Variants in ADAMTS3 observed in about 807,000 individuals in gnomAD.
ADAMTS3 encodes the protein A disintegrin and metalloproteinase with thrombospondin motifs 3.
ADAMTS3 carries 73 observed loss-of-function variants against 129.0 expected under a neutral mutation model. That is an observed-to-expected ratio of 0.57 (90% CI 0.47 to 0.69). The LOEUF (loss-of-function observed/expected upper bound fraction) is 0.69, where lower values mean the gene tolerates loss of function less well. Among genes scored for constraint, ADAMTS3 ranks in the 30% least tolerant of loss-of-function variants. The pLI, the probability that ADAMTS3 is intolerant of heterozygous loss-of-function variation, is 0.00. For missense variants in ADAMTS3, 1,457 were observed against 1,514.5 expected (o/e 0.96, Z 0.63); for synonymous variants, 477 against 510.8 (o/e 0.93, Z 0.89).
At chr4:72,295,544 C>G (rs1204932235) in intron 19 of ADAMTS3, 110 bp downstream of exon 19, 4 of 1,148,598 alleles carry the variant, frequency 3.5e-6, no homozygotes, top group South Asian at 2.0e-5. Context: ...ACTATTTAAA[C>G]CATGTCTATA....
chr4:72,291,646 A>G (rs1244030612), intron 19 of ADAMTS3, among the ~76,000 whole-genome samples: 6 of 151,538 alleles, frequency 4.0e-5, no homozygotes, highest in Admixed American at 6.6e-5. Flanking sequence ...AATCCAGTCT[A>G]TCATTGTTGG....
At chr4:72,298,829 T>A (rs1395390676) in intron 17 of ADAMTS3, among the ~76,000 whole-genome samples, 1 of 151,668 alleles carries the variant, frequency 6.6e-6, no homozygotes, top group African/African-American at 2.4e-5. Context: ...TTAAAATTTT[T>A]AAATTTTTAA....
chr4:72,483,249 G>C (rs1476210106), intron 3 of ADAMTS3, among the ~76,000 whole-genome samples: 1 of 152,000 alleles, frequency 6.6e-6, no homozygotes, highest in Admixed American at 6.6e-5. Flanking sequence ...AAAATTATGA[G>C]AGCTACCAAA....
chr4:72,415,241 G>A (rs925466799), intron 3 of ADAMTS3, among the ~76,000 whole-genome samples: 1 of 151,802 alleles, frequency 6.6e-6, no homozygotes, highest in Non-Finnish European at 1.5e-5. Flanking sequence ...ATCATACAAT[G>A]TATATATTTT....
intron 3 of ADAMTS3, among the ~76,000 whole-genome samples, chr4:72,516,603 G>C (rs529685199): frequency 1.1e-4 from 17 of 152,190 alleles, no homozygotes; most frequent in Admixed American, 1.0e-3. Flanking sequence ...AAGGAATTTT[G>C]AATGGGAGTT....
rs567045962 is a variant in ADAMTS3 at position 72,380,167 on chromosome 4, G to A, written c.661+34648C>T. On this transcript the variant is annotated intron_variant, in intron 4 of 21. Coordinates refer to ENST00000286657, the MANE Select transcript of ADAMTS3 (RefSeq NM_014243.3). ...TAGTATGAATATTTGTAATATTCTTGAGAATATATTTAAGTGGATATCCTA... is the reference window on the plus strand; with the variant it reads ...TAGTATGAATATTTGTAATATTCTTAAGAATATATTTAAGTGGATATCCTA... Among the ~76,000 whole-genome samples the A allele has an allele frequency of 1.1e-4, 16 of 152,216 alleles. 1 individual carries two copies. In the South Asian group the frequency reaches 3.3e-3, roughly 32 times the overall value.
chr4:72,497,329 C>T (rs1719896966), intron 3 of ADAMTS3, among the ~76,000 whole-genome samples: 1 of 151,766 alleles, frequency 6.6e-6, no homozygotes, highest in Non-Finnish European at 1.5e-5. Context: ...TAAGCAAGGC[C>T]TCAGTATGCA....
chr4:72,424,827 T>C (rs1360506840), intron 3 of ADAMTS3, among the ~76,000 whole-genome samples: 1 of 152,166 alleles, frequency 6.6e-6, no homozygotes, highest in Non-Finnish European at 1.5e-5. Flanking sequence ...GTCAAATCTG[T>C]ATCCTACTTG....
chr4:72,539,632 A>T (rs779370895), intron 3 of ADAMTS3, among the ~76,000 whole-genome samples: 1 of 152,110 alleles, frequency 6.6e-6, no homozygotes, highest in Non-Finnish European at 1.5e-5. Context: ...CCAAAATCTC[A>T]TCTTGAACTG....
chr4:72,524,059 T>G (rs1720744026), intron 3 of ADAMTS3, among the ~76,000 whole-genome samples: 1 of 152,152 alleles, frequency 6.6e-6, no homozygotes, highest in Non-Finnish European at 1.5e-5. Flanking sequence ...ATTTCCCAAG[T>G]GTTTAATTTT....
At chr4:72,416,297 C>G (rs570144598) in intron 3 of ADAMTS3, among the ~76,000 whole-genome samples, 11 of 151,874 alleles carry the variant, frequency 7.2e-5, no homozygotes, top group African/African-American at 2.4e-4. Flanking sequence ...GTTCTGACTT[C>G]TACACCTGGG....
At chr4:72,412,168 T>C (rs1722199759) in intron 4 of ADAMTS3, among the ~76,000 whole-genome samples, 1 of 152,052 alleles carries the variant, frequency 6.6e-6, no homozygotes, top group Non-Finnish European at 1.5e-5. Flanking sequence ...GTCAGAGAAA[T>C]GTATGGAGAC....
At chr4:72,536,454 A>C (rs1303624477) in intron 3 of ADAMTS3, among the ~76,000 whole-genome samples, 1 of 152,236 alleles carries the variant, frequency 6.6e-6, no homozygotes, top group Non-Finnish European at 1.5e-5. Context: ...AAACTTAACC[A>C]TCATTATTAT....
Position 72,568,938 on chromosome 4 carries a change from T to C in ADAMTS3, c.-176A>G, listed in dbSNP as rs1028386549. ...GAAAATGAAATTTGAGCTCTGAGAC[T>C]GGCCCCCTCTGCTCTGCAGTTTTTT... On this transcript the variant is annotated 5_prime_UTR_variant, in exon 1 of 22. Coordinates refer to ENST00000286657, the MANE Select transcript of ADAMTS3 (RefSeq NM_014243.3). 2 of 621,846 alleles carry C rather than the reference T, an allele frequency of 3.2e-6. No homozygotes were observed. The highest frequency in any genetic ancestry group is 2.9e-5 in the Admixed American group (1 of 34,546). The allele number at this position is 621,846 out of a possible 1,614,324, so 38.5% of individuals were successfully genotyped here. A position where few individuals can be genotyped will look rare whatever the true frequency, so the allele number is the denominator to read the frequency against.
chr4:72,440,273 T>C (rs976669774), intron 3 of ADAMTS3, among the ~76,000 whole-genome samples: 1 of 151,808 alleles, frequency 6.6e-6, no homozygotes, highest in African/African-American at 2.4e-5. Context: ...CATCAAAGTA[T>C]ACTAAGATAT....
intron 3 of ADAMTS3, among the ~76,000 whole-genome samples, chr4:72,529,399 AG>A (rs1720899551): frequency 6.6e-6 from 1 of 151,902 alleles, no homozygotes; most frequent in Admixed American, 6.6e-5. Context: ...AATCTGTTTT[AG>A]CAAGGCTTCC....
chr4:72,494,099 C>T (rs574107430), intron 3 of ADAMTS3, among the ~76,000 whole-genome samples: 51 of 152,232 alleles, frequency 3.4e-4, no homozygotes, highest in Admixed American at 2.9e-3. Flanking sequence ...CTTTCATGAA[C>T]TAGAATGTCA....
chr4:72,284,912 C>T (rs916304878), intron 21 of ADAMTS3, among the ~76,000 whole-genome samples: 1 of 152,162 alleles, frequency 6.6e-6, no homozygotes, highest in African/African-American at 2.4e-5. Flanking sequence ...TATCCTGTGC[C>T]TCTCTGATAA....
chr4:72,359,003 A>G (rs1289014155), intron 4 of ADAMTS3, among the ~76,000 whole-genome samples: 1 of 151,962 alleles, frequency 6.6e-6, no homozygotes, highest in African/African-American at 2.4e-5. Flanking sequence ...AAAAAAGAAA[A>G]CATAAACAAA....
Sources: gnomAD v4.1 joint callset for allele counts (sites outside exome capture counted in the v4.1 genomes callset) on GRCh38, gnomAD v4.1.1 for gene constraint, MANE v1.5 for transcripts, NCBI Gene and HGNC (gene_info 2026-07-23, HGNC 2026-07-21) for gene names.